Variants in RBFOX1 observed in about 807,000 individuals in gnomAD.
The protein encoded by RBFOX1 is RNA binding protein fox-1 homolog 1.
RBFOX1 carries 8 observed loss-of-function variants against 57.7 expected under a neutral mutation model. That is an observed-to-expected ratio of 0.14 (90% CI 0.08 to 0.25). The LOEUF is 0.25. Ranked by LOEUF, RBFOX1 falls within the 10% of genes least tolerant of loss-of-function variation. The probability of loss-of-function intolerance (pLI) is 1.00; values close to 1 mark genes in which losing one functional copy is unlikely to be tolerated. For synonymous variants in RBFOX1, 326 were observed against 222.4 expected, an observed-to-expected ratio of 1.47 and a Z score of -4.15; for missense variants, 611 against 548.5, an observed-to-expected ratio of 1.11 and a Z score of -1.14.
intron 4 of RBFOX1, among the ~76,000 whole-genome samples, chr16:7,097,313 G>C (rs1419637606): frequency 6.6e-6 from 1 of 152,062 alleles, no homozygotes; most frequent in East Asian, 1.9e-4. Flanking sequence ...TCAGATGTGA[G>C]GAGTATGGTC....
At chr16:7,150,708 G>A (rs1193777317) in intron 4 of RBFOX1, among the ~76,000 whole-genome samples, 1 of 152,174 alleles carries the variant, frequency 6.6e-6, no homozygotes, top group Non-Finnish European at 1.5e-5. Flanking sequence ...AAGATTGTTT[G>A]GATATCAGCT....
intron 4 of RBFOX1, among the ~76,000 whole-genome samples, chr16:7,342,894 C>T (rs2096925243): frequency 6.6e-6 from 1 of 152,132 alleles, no homozygotes; most frequent in Admixed American, 6.5e-5. Context: ...ATGTCATTCT[C>T]AGTAGAGTCG....
intron 4 of RBFOX1, among the ~76,000 whole-genome samples, chr16:5,978,189 C>T (rs1596332376): frequency 7.4e-6 from 1 of 135,286 alleles, no homozygotes; most frequent in Non-Finnish European, 1.5e-5. Flanking sequence ...TAGTGCATTC[C>T]TGTATTCCCA....
intron 4 of RBFOX1, among the ~76,000 whole-genome samples, chr16:5,984,968 ATATATATATTTTT>A (rs1339070234): frequency 3.1e-4 from 17 of 55,734 alleles, no homozygotes; most frequent in African/African-American, 1.0e-3. Flanking sequence ...ATATATATAT[ATATATATATTTTT>A]TTTTTTTTTT....
chr16:6,391,788 T>A (rs982405598), intron 2 of RBFOX1, among the ~76,000 whole-genome samples: 4 of 152,236 alleles, frequency 2.6e-5, no homozygotes, highest in African/African-American at 9.6e-5. Flanking sequence ...CTTAGATTTT[T>A]AAATAACAAA....
At chr16:6,087,302 G>A (rs968858774) in intron 1 of RBFOX1, among the ~76,000 whole-genome samples, 3 of 152,040 alleles carry the variant, frequency 2.0e-5, no homozygotes, top group African/African-American at 4.8e-5. Flanking sequence ...TTGTGCCTTC[G>A]AGCACACATG....
chr16:7,579,339 C>T (rs987135325), intron 5 of RBFOX1, among the ~76,000 whole-genome samples: 3 of 152,148 alleles, frequency 2.0e-5, no homozygotes, highest in African/African-American at 4.8e-5. Flanking sequence ...TGAACAGCGT[C>T]GGTTAAGAAA....
intron 2 of RBFOX1, among the ~76,000 whole-genome samples, chr16:6,619,147 G>A (rs531439445): frequency 1.3e-5 from 2 of 150,514 alleles, no homozygotes; most frequent in Admixed American, 1.3e-4. Flanking sequence ...ACAGACCGCT[G>A]ACATGTTCCA....
At chr16:6,136,459 T>G (rs1031108640) in intron 1 of RBFOX1, among the ~76,000 whole-genome samples, 30 of 152,288 alleles carry the variant, frequency 2.0e-4, no homozygotes, top group African/African-American at 6.5e-4. Context: ...CATGGAGAAT[T>G]GCGGTGATAA....
intron 2 of RBFOX1, among the ~76,000 whole-genome samples, chr16:6,550,133 C>G (rs545319903): frequency 1.3e-5 from 2 of 152,026 alleles, no homozygotes; most frequent in African/African-American, 4.8e-5. Context: ...GAGTCCCTCT[C>G]CCTCCCCTCT....
chr16:7,134,272 T>C (rs2071309363), intron 4 of RBFOX1, among the ~76,000 whole-genome samples: 2 of 152,204 alleles, frequency 1.3e-5, no homozygotes, highest in African/African-American at 4.8e-5. Flanking sequence ...GAGGATGTTC[T>C]CTGGGGATAT....
At chr16:5,692,169 GTGTGTGTGT>G (rs2050704956) in intron 3 of RBFOX1, among the ~76,000 whole-genome samples, 1 of 4,510 alleles carries the variant, frequency 2.2e-4, no homozygotes, top group Non-Finnish European at 6.3e-3. Context: ...GACTGACTGT[GTGTGTGTGT>G]GTGTGTGTGT....
chr16:6,210,505 G>C (rs1331667637), intron 1 of RBFOX1, among the ~76,000 whole-genome samples: 1 of 152,006 alleles, frequency 6.6e-6, no homozygotes, highest in Admixed American at 6.6e-5. Context: ...TGAGACAAGA[G>C]GATCACTTGA....
intron 4 of RBFOX1, among the ~76,000 whole-genome samples, chr16:7,391,021 T>C (rs1021488465): frequency 6.6e-6 from 1 of 152,188 alleles, no homozygotes; most frequent in African/African-American, 2.4e-5. Context: ...CTCGTGCTTT[T>C]TGGAGGCTCA....
intron 4 of RBFOX1, among the ~76,000 whole-genome samples, chr16:7,368,069 C>T (rs1568449702): frequency 6.6e-6 from 1 of 151,946 alleles, no homozygotes; most frequent in Non-Finnish European, 1.5e-5. Context: ...GGGTTTGAGA[C>T]CAGCCTGGCC....
At chr16:5,541,947 T>C (rs1467293194) in intron 2 of RBFOX1, among the ~76,000 whole-genome samples, 2 of 152,178 alleles carry the variant, frequency 1.3e-5, no homozygotes, top group East Asian at 1.9e-4. Flanking sequence ...GTTACATGAA[T>C]AATTTCTTTA....
intron 4 of RBFOX1, among the ~76,000 whole-genome samples, chr16:7,118,246 C>T (rs1455208058): frequency 6.6e-6 from 1 of 152,144 alleles, no homozygotes; most frequent in Non-Finnish European, 1.5e-5. Flanking sequence ...TCCATGCTAA[C>T]ATCTATTGTT....
At chr16:5,911,676 T>C (rs1012445331) in intron 4 of RBFOX1, among the ~76,000 whole-genome samples, 25 of 152,268 alleles carry the variant, frequency 1.6e-4, no homozygotes, top group African/African-American at 5.8e-4. Flanking sequence ...GAGATTTATT[T>C]TTCACAGCTC....
chr16:6,081,672 TA>T (rs199658200), intron 1 of RBFOX1, among the ~76,000 whole-genome samples: 9 of 152,238 alleles, frequency 5.9e-5, no homozygotes, highest in Admixed American at 2.6e-4. Flanking sequence ...TTTATTTATT[TA>T]TTTTTGAAAC....
Sources: gnomAD v4.1 joint callset for allele counts (sites outside exome capture counted in the v4.1 genomes callset) on GRCh38, gnomAD v4.1.1 for gene constraint, MANE v1.5 for transcripts, NCBI Gene and HGNC (gene_info 2026-07-23, HGNC 2026-07-21) for gene names.